The following OPHN1 variants were observed in gnomAD, a reference collection of about 807,000 sequenced individuals.
The protein encoded by OPHN1 is oligophrenin-1.
Under a neutral mutation model 60.7 loss-of-function variants are expected in OPHN1, and 11 were observed. That is an observed-to-expected ratio of 0.18 (90% CI 0.11 to 0.30). The LOEUF is 0.30. OPHN1 is among the 10% of genes least tolerant of loss of function. OPHN1 has a pLI of 1.00. For synonymous variants in OPHN1, 226 were observed against 222.6 expected (o/e 1.02, Z -0.14); for missense variants, 449 against 611.0 (o/e 0.73, Z 2.80).
intron 24 of OPHN1, 150 bp downstream of exon 24, chrX:68,048,266 G>A: frequency 2.1e-6 from 1 of 472,107 alleles, no homozygotes; most frequent in Non-Finnish European, 3.7e-6. Flanking sequence ...TAAATTTAAG[G>A]GTCAGGCAGT....
intron 2 of OPHN1, among the ~76,000 whole-genome samples, chrX:68,377,047 A>G (rs1442003064): frequency 9.5e-6 from 1 of 104,817 alleles, no homozygotes; most frequent in Non-Finnish European, 1.9e-5. Flanking sequence ...CTCCTGCCTC[A>G]GCCTCCTGAG....
intron 2 of OPHN1, among the ~76,000 whole-genome samples, chrX:68,416,678 G>A (rs909764958): frequency 5.4e-5 from 6 of 111,704 alleles, no homozygotes; most frequent in Non-Finnish European, 7.5e-5. Context: ...TTATGTATGC[G>A]GGAATAGGTC....
At chrX:68,429,736 A>G in intron 2 of OPHN1, among the ~76,000 whole-genome samples, 2 of 110,729 alleles carry the variant, frequency 1.8e-5, no homozygotes, top group South Asian at 7.8e-4. Context: ...AACAAGAAAA[A>G]TGAAAAGTGA....
intron 2 of OPHN1, among the ~76,000 whole-genome samples, chrX:68,380,069 T>C (rs1294667759): frequency 9.0e-6 from 1 of 111,510 alleles, no homozygotes; most frequent in African/African-American, 3.3e-5. Flanking sequence ...GACTCTTTTT[T>C]GTTGGTAAGC....
intron 9 of OPHN1, among the ~76,000 whole-genome samples, chrX:68,209,744 TG>T (rs1328144184): frequency 8.9e-6 from 1 of 111,736 alleles, no homozygotes; most frequent in Non-Finnish European, 1.9e-5. Context: ...CTTATGTGTA[TG>T]GGTATAAATT....
intron 2 of OPHN1, among the ~76,000 whole-genome samples, chrX:68,304,011 C>A (rs1455918400): frequency 9.0e-6 from 1 of 111,271 alleles, no homozygotes; most frequent in Non-Finnish European, 1.9e-5. Context: ...CTTTCTATTG[C>A]AATGCAGTGT....
At chrX:68,214,724 C>T (rs12834737) in intron 6 of OPHN1, among the ~76,000 whole-genome samples, 5 of 112,163 alleles carry the variant, frequency 4.5e-5, no homozygotes, top group African/African-American at 1.3e-4. Context: ...AGGCCAAGTG[C>T]GGTAGCTCAC....
intron 2 of OPHN1, among the ~76,000 whole-genome samples, chrX:68,340,023 A>G (rs1316639234): frequency 8.9e-6 from 1 of 112,572 alleles, no homozygotes; most frequent in Non-Finnish European, 1.9e-5. Context: ...CAAACTTTGT[A>G]TACTGGAAAC....
intron 20 of OPHN1, chrX:68,070,638 C>T: frequency 1.3e-6 from 1 of 759,466 alleles, no homozygotes. Context: ...TTTGGCACAG[C>T]AAGTGGCAGT....
At chrX:68,171,801 G>T (rs2077393051) in intron 15 of OPHN1, among the ~76,000 whole-genome samples, 1 of 111,148 alleles carries the variant, frequency 9.0e-6, no homozygotes, top group Non-Finnish European at 1.9e-5. Flanking sequence ...GTGGACAAAA[G>T]ATATGAACAG....
chrX:68,051,399 G>C (rs905901806), intron 23 of OPHN1, among the ~76,000 whole-genome samples: 3 of 111,659 alleles, frequency 2.7e-5, no homozygotes. Context: ...AAGAAGAAAG[G>C]GAGGGAAGGA....
intron 3 of OPHN1, among the ~76,000 whole-genome samples, chrX:68,292,129 G>T (rs1441482245): frequency 9.0e-6 from 1 of 111,299 alleles, no homozygotes; most frequent in Non-Finnish European, 1.9e-5. Context: ...GGTGGCTGGG[G>T]GTTGTTCAAT....
intron 2 of OPHN1, among the ~76,000 whole-genome samples, chrX:68,430,110 T>C (rs1483647890): frequency 2.7e-5 from 3 of 111,724 alleles, no homozygotes; most frequent in Admixed American, 1.9e-4. Flanking sequence ...ATCCTGATCT[T>C]CTAACTCCGA....
chrX:68,353,361 G>A (rs2078422761), intron 2 of OPHN1, among the ~76,000 whole-genome samples: 1 of 100,431 alleles, frequency 1.0e-5, no homozygotes, highest in Non-Finnish European at 2.0e-5. Context: ...CTGAGGTCAG[G>A]AGTTTGAGAC....
intron 18 of OPHN1, among the ~76,000 whole-genome samples, chrX:68,107,590 C>T (rs1304918764): frequency 9.0e-6 from 1 of 111,576 alleles, no homozygotes; most frequent in East Asian, 2.8e-4. Flanking sequence ...AATTCTCCCA[C>T]CTCAGCCTCC....
At chrX:68,363,098 A>G (rs912345818) in intron 2 of OPHN1, among the ~76,000 whole-genome samples, 2 of 108,801 alleles carry the variant, frequency 1.8e-5, no homozygotes, top group Non-Finnish European at 3.8e-5. Flanking sequence ...AAATACAAAA[A>G]TTAGCCAGGC....
At chrX:68,211,045 T>C (rs893587770) in intron 8 of OPHN1, among the ~76,000 whole-genome samples, 1 of 111,216 alleles carries the variant, frequency 9.0e-6, no homozygotes, top group Non-Finnish European at 1.9e-5. Context: ...AAGTAATATA[T>C]AGAGGAAGAT....
intron 2 of OPHN1, among the ~76,000 whole-genome samples, chrX:68,391,201 T>C (rs1332815507): frequency 8.9e-6 from 1 of 111,852 alleles, no homozygotes; most frequent in African/African-American, 3.2e-5. Context: ...GGATTAGGAC[T>C]TGGATATTTT....
chrX:68,090,021 A>T (rs2077010661), intron 19 of OPHN1, among the ~76,000 whole-genome samples: 1 of 112,172 alleles, frequency 8.9e-6, no homozygotes, highest in Non-Finnish European at 1.9e-5. Flanking sequence ...CTCCAGATTC[A>T]ATTGAGAATG....
Sources: gnomAD v4.1 joint callset for allele counts (sites outside exome capture counted in the v4.1 genomes callset) on GRCh38, gnomAD v4.1.1 for gene constraint, MANE v1.5 for transcripts, NCBI Gene and HGNC (gene_info 2026-07-23, HGNC 2026-07-21) for gene names.